MGMT: variants seen among roughly 807,000 people sequenced by gnomAD.
MGMT encodes methylated-DNA--protein-cysteine methyltransferase.
A neutral mutation model predicts 15.9 loss-of-function variants in MGMT; 14 were observed. That is an observed-to-expected ratio of 0.88 (90% CI 0.58 to 1.37). The LOEUF is 1.37. Ranked by LOEUF, MGMT falls within the 40% of genes most tolerant of loss-of-function variation. The pLI, the probability that MGMT is intolerant of heterozygous loss-of-function variation, is 0.00. For missense variants in MGMT, 282 were observed against 268.1 expected, an observed-to-expected ratio of 1.05 and a Z score of -0.36; for synonymous variants, 130 against 118.2, an observed-to-expected ratio of 1.10 and a Z score of -0.65.
intron 2 of MGMT, among the ~76,000 whole-genome samples, chr10:129,565,096 G>T (rs1362761767): frequency 6.6e-6 from 1 of 152,202 alleles, no homozygotes; most frequent in African/African-American, 2.4e-5. Context: ...ATCTAGCTGG[G>T]CGCTGCGTGT....
At chr10:129,522,203 T>A (rs569641841) in intron 1 of MGMT, among the ~76,000 whole-genome samples, 3 of 152,310 alleles carry the variant, frequency 2.0e-5, no homozygotes, top group Admixed American at 6.5e-5. Context: ...CAGATCTTCT[T>A]GGCAGGGTGC....
intron 2 of MGMT, among the ~76,000 whole-genome samples, chr10:129,702,814 G>A (rs1003075956): frequency 6.6e-5 from 10 of 152,228 alleles, no homozygotes; most frequent in Non-Finnish European, 1.2e-4. Context: ...GGAAGACTGG[G>A]ACGTGGCATT....
rs371237611 is a variant in MGMT at position 129,536,261 on chromosome 10, G to A, written c.9G>A (p.Lys3=). 1.9e-6 allele frequency: 3 copies of A among 1,614,000 alleles called. No individual in the cohort carries two copies. Among genetic ancestry groups the A allele is most frequent in the African/African-American group, 2.7e-5 (2 of 75,034 alleles). ...TTTAGGTACTTGGAAAAATGGACAAGGATTGTGAAATGAAACGCACCACAC... is the reference window on the plus strand; with the variant it reads ...TTTAGGTACTTGGAAAAATGGACAAAGATTGTGAAATGAAACGCACCACAC... The part of the protein sequence containing the change: MD[K]DCEMKRTTLD... Residue 3 remains lysine (K), a synonymous_variant, in exon 2 of 5, where the codon AAG becomes AAA. Coordinates refer to ENST00000651593, the MANE Select transcript of MGMT (RefSeq NM_002412.5).
intron 2 of MGMT, among the ~76,000 whole-genome samples, chr10:129,696,051 G>T (rs1848028165): frequency 6.6e-6 from 1 of 152,152 alleles, no homozygotes; most frequent in Non-Finnish European, 1.5e-5. Flanking sequence ...GGGCCTGCTG[G>T]TGTCTGCTGT....
At chr10:129,571,911 C>T (rs991613040) in intron 2 of MGMT, among the ~76,000 whole-genome samples, 8 of 152,134 alleles carry the variant, frequency 5.3e-5, no homozygotes, top group Admixed American at 2.0e-4. Flanking sequence ...ATCGTTAGTG[C>T]GACAGCGGGC....
At chr10:129,600,204 C>A (rs183131255) in intron 2 of MGMT, among the ~76,000 whole-genome samples, 12 of 152,316 alleles carry the variant, frequency 7.9e-5, no homozygotes, top group Non-Finnish European at 1.6e-4. Context: ...TGCGTCCGCC[C>A]ATCCATGGCT....
chr10:129,558,118 GT>G (rs796465255), intron 2 of MGMT, among the ~76,000 whole-genome samples: 106 of 152,334 alleles, frequency 7.0e-4, no homozygotes, highest in African/African-American at 2.5e-3. Flanking sequence ...TGCGCCCGGG[GT>G]CAGGTGTGGA....
intron 2 of MGMT, among the ~76,000 whole-genome samples, chr10:129,610,861 CTGTT>C (rs1299680051): frequency 2.0e-5 from 3 of 152,206 alleles, no homozygotes; most frequent in Non-Finnish European, 4.4e-5. Flanking sequence ...GAGCCTATCT[CTGTT>C]TGGCCCACTG....
intron 2 of MGMT, among the ~76,000 whole-genome samples, chr10:129,631,392 A>G (rs1847208224): frequency 6.6e-6 from 1 of 152,220 alleles, no homozygotes; most frequent in South Asian, 2.1e-4. Context: ...GACTCTTACA[A>G]TGTAAACTTC....
intron 2 of MGMT, chr10:129,536,990 A>G (rs911247529): frequency 2.0e-5 from 3 of 152,174 alleles, no homozygotes; most frequent in African/African-American, 7.2e-5. Context: ...AAGAGCGTAC[A>G]TGTTTCTCTT....
intron 4 of MGMT, among the ~76,000 whole-genome samples, chr10:129,764,777 G>T (rs1008629187): frequency 4.6e-5 from 7 of 152,226 alleles, no homozygotes; most frequent in Admixed American, 4.6e-4. Context: ...GGATCCTGCA[G>T]AAACAGCTGT....
intron 1 of MGMT, among the ~76,000 whole-genome samples, chr10:129,494,975 G>A (rs1845505933): frequency 6.6e-6 from 1 of 152,222 alleles, no homozygotes; most frequent in African/African-American, 2.4e-5. Context: ...ACACTAAAAA[G>A]ATAAAATAGG....
chr10:129,767,782 G>C lies in MGMT; in HGVS notation c.*785G>C, dbSNP rs1345574349. The C allele has an allele frequency of 1.3e-5, 2 of 152,224 alleles. No homozygotes were observed. The highest frequency in any genetic ancestry group is 2.9e-5 in the Non-Finnish European group (2 of 68,104). 9.4% of individuals were successfully genotyped at this position (152,224 alleles called of 1,614,324 possible). Reference sequence around the variant, plus strand: ...CTCATCTCAAGGGCTGCCCCAAAGGGCCCTCAGGGACCATGGGCCTGTTAG... The same window carrying C: ...CTCATCTCAAGGGCTGCCCCAAAGGCCCCTCAGGGACCATGGGCCTGTTAG... On this transcript the variant is annotated 3_prime_UTR_variant, in exon 5 of 5. Coordinates refer to ENST00000651593, the MANE Select transcript of MGMT (RefSeq NM_002412.5).
intron 3 of MGMT, among the ~76,000 whole-genome samples, 199 bp downstream of exon 3, chr10:129,708,242 G>T (rs981757517): frequency 1.3e-5 from 2 of 152,174 alleles, no homozygotes; most frequent in Non-Finnish European, 2.9e-5. Flanking sequence ...TTTGGCACAG[G>T]GTTGCATAAT....
chr10:129,569,450 G>T (rs780882435), intron 2 of MGMT, among the ~76,000 whole-genome samples: 27 of 152,118 alleles, frequency 1.8e-4, no homozygotes, highest in Non-Finnish European at 7.4e-5. Flanking sequence ...TATCATCCAC[G>T]CTAGAGACTG....
At chr10:129,528,957 A>G (rs1360974388) in intron 1 of MGMT, among the ~76,000 whole-genome samples, 1 of 152,232 alleles carries the variant, frequency 6.6e-6, no homozygotes, top group African/African-American at 2.4e-5. Flanking sequence ...CAAGTAAGCA[A>G]ATCACGTCAC....
At chr10:129,617,955 T>G (rs952099475) in intron 2 of MGMT, among the ~76,000 whole-genome samples, 2 of 151,058 alleles carry the variant, frequency 1.3e-5, no homozygotes, top group African/African-American at 2.4e-5. Context: ...CTCCAGCCCA[T>G]GAACTTGCTG....
At chr10:129,506,183 A>G (rs777971652) in intron 1 of MGMT, among the ~76,000 whole-genome samples, 4 of 152,044 alleles carry the variant, frequency 2.6e-5, no homozygotes, top group Non-Finnish European at 5.9e-5. Flanking sequence ...CCCACAACAC[A>G]TGGGCTAGCC....
chr10:129,606,478 A>G (rs1476616561), intron 2 of MGMT, among the ~76,000 whole-genome samples: 1 of 152,220 alleles, frequency 6.6e-6, no homozygotes, highest in African/African-American at 2.4e-5. Flanking sequence ...AGGTCTCTGT[A>G]AACATGCTGT....
Sources: allele counts gnomAD v4.1 joint callset (sites outside exome capture counted in the v4.1 genomes callset), GRCh38; gene constraint gnomAD v4.1.1; transcripts MANE v1.5; gene names NCBI Gene and HGNC (gene_info 2026-07-23, HGNC 2026-07-21).